RANBP6: variants seen among roughly 807,000 people sequenced by gnomAD.
The protein encoded by RANBP6 is RAN binding protein 6.
Under a neutral mutation model 35.3 loss-of-function variants are expected in RANBP6, and 10 were observed. The ratio of observed to expected loss-of-function variants is 0.28; its 90% confidence interval spans 0.17 to 0.48. The LOEUF is 0.48. Among genes scored for constraint, RANBP6 ranks in the 20% least tolerant of loss-of-function variants. The probability of loss-of-function intolerance (pLI) is 0.99; values close to 1 mark genes in which losing one functional copy is unlikely to be tolerated. For synonymous variants in RANBP6, 514 were observed against 464.2 expected (o/e 1.11, Z -1.38); for missense variants, 1,392 against 1,307.7 (o/e 1.06, Z -0.99).
rs1301623473 is a variant in RANBP6 at position 6,013,032 on chromosome 9, CTAAA to C, written c.2572_2575del (p.Phe858ValfsTer17). On this transcript the variant is annotated frameshift_variant, in exon 1 of 1. Transcript: ENST00000259569. LOFTEE classifies it high-confidence loss of function. ...TGGTAAAATCTTTTCCTTATAAGTA[CTAAA>C]TAATGAGTGCAAAATATCTGATACT... 1 of 1,613,464 alleles carries C rather than the reference CTAAA, an allele frequency of 6.2e-7. No individual in the cohort carries two copies. Among genetic ancestry groups the C allele is most frequent in the African/African-American group, 1.3e-5 (1 of 74,894 alleles).
At position 6,013,437 on chromosome 9, in the gene RANBP6, T is replaced by C. The variant is rs778152716; in HGVS notation, c.2171A>G (p.His724Arg). The change falls in exon 1 of 1, where the codon CAT (histidine) becomes CGT (arginine). Residue 724 changes from histidine (H) to arginine (R), a missense_variant. Coordinates refer to ENST00000259569, the MANE Select transcript of RANBP6 (RefSeq NM_012416.4). ...TGCTGCTGCCACTCGAACATTGTCATGGAAATAAAATTTCAGTAAAGGAAC... is the reference window on the plus strand; with the variant it reads ...TGCTGCTGCCACTCGAACATTGTCACGGAAATAAAATTTCAGTAAAGGAAC... The part of the protein sequence containing the change: ...LMVPLLKFYF[H>R]DNVRVAAAES... The C allele has an allele frequency of 6.8e-6, 11 of 1,614,090 alleles. No individual in the cohort carries two copies. In the Admixed American group the frequency reaches 1.3e-4, roughly 20 times the overall value.
In RANBP6 at chr9:6,014,463, T is replaced by A. The variant is rs761958664; in HGVS notation, c.1145A>T (p.Tyr382Phe). The A allele has an allele frequency of 6.2e-7, 1 of 1,614,242 alleles. No individual in the cohort carries two copies. Among genetic ancestry groups the A allele is most frequent in the Admixed American group, 1.7e-5 (1 of 60,018 alleles). The change falls in exon 1 of 1, where the codon TAT becomes TTT. Residue 382 changes from tyrosine to phenylalanine, a missense_variant. By Grantham distance (22) the Tyr-to-Phe change is conservative. Transcript: ENST00000259569. Reference sequence around the variant, plus strand: ...TAAGGCCATTAATCCAGCATGTCGATACTTCCAGTCAGGGCTCTGAAGCAT... The same window carrying A: ...TAAGGCCATTAATCCAGCATGTCGAAACTTCCAGTCAGGGCTCTGAAGCAT... ...MQMLQSPDWK[Y>F]RHAGLMALSA...
At position 6,011,205 on chromosome 9, in the gene RANBP6, G is replaced by C. The variant is rs189540755; in HGVS notation, c.*1085C>G. The C allele has an allele frequency of 6.6e-6, 1 of 152,150 alleles. No individual in the cohort carries two copies. The highest frequency in any genetic ancestry group is 2.4e-5 in the African/African-American group (1 of 41,432). The allele number at this position is 152,150 out of a possible 1,614,324, so 9.4% of individuals were successfully genotyped here. On this transcript the variant is annotated 3_prime_UTR_variant, in exon 1 of 1. Coordinates refer to ENST00000259569, the MANE Select transcript of RANBP6 (RefSeq NM_012416.4). ...CTCTTTTCTACCCTACAATAAGCTC[G>C]ACATTAAAGACTGACATTCCAATTA...
At position 6,012,283 on chromosome 9, in the gene RANBP6, A is replaced by C. The variant is rs774191496; in HGVS notation, c.*7T>G. The C allele has an allele frequency of 2.6e-6, 4 of 1,527,790 alleles. No individual in the cohort carries two copies. Among genetic ancestry groups the C allele is most frequent in the Non-Finnish European group, 3.5e-6 (4 of 1,139,002 alleles). 94.6% of individuals were successfully genotyped at this position (1,527,790 alleles called of 1,614,324 possible). A position where few individuals can be genotyped will look rare whatever the true frequency, so the allele number is the denominator to read the frequency against. The stretch of plus-strand genomic sequence containing the variant: ...AATAGATAATATTCAAGTTATATTA[A>C]AGTGCTTCAAGCAAAATTTAGCAAC... On this transcript the variant is annotated 3_prime_UTR_variant, in exon 1 of 1. Transcript: ENST00000259569.
chr9:6,013,260 T>A lies in RANBP6; in HGVS notation c.2348A>T (p.Lys783Met), dbSNP rs772905285. ...ACCATCTCCCATAACTTCAATGGACTTTGCAAAAGAATTCATTATTTCTGA... is the reference window on the plus strand; with the variant it reads ...ACCATCTCCCATAACTTCAATGGACATTGCAAAAGAATTCATTATTTCTGA... ...VLSEIMNSFA[K>M]SIEVMGDGCL... Residue 783 changes from lysine (K) to methionine (M), a missense_variant, in exon 1 of 1, where the codon AAG becomes ATG. Transcript: ENST00000259569. 5.0e-6 allele frequency: 8 copies of A among 1,614,158 alleles called. No homozygotes were observed. The East Asian group carries it at 6.7e-5, about 13-fold the overall frequency.
chr9:6,014,339 C>A lies in RANBP6; in HGVS notation c.1269G>T (p.Val423=). ...LLFLQDPHPR[V]RAAACTTLGQ... ...CAAGTGTAGTACAGGCTGCAGCCCT[C>A]ACCCTTGGATGAGGATCCTGAAGAA... Residue 423 remains valine, a synonymous_variant, in exon 1 of 1, where the codon GTG becomes GTT. Transcript: ENST00000259569. 1 of 1,614,036 alleles carries A rather than the reference C, an allele frequency of 6.2e-7. No homozygotes were observed. Among genetic ancestry groups the A allele is most frequent in the Non-Finnish European group, 8.5e-7 (1 of 1,179,868 alleles).
At position 6,013,062 on chromosome 9, in the gene RANBP6, T is replaced by A. The variant is rs756089965; in HGVS notation, c.2546A>T (p.Lys849Ile). The A allele has an allele frequency of 1.9e-6, 3 of 1,613,938 alleles. No homozygotes were observed. Among genetic ancestry groups the A allele is most frequent in the Non-Finnish European group, 1.7e-6 (2 of 1,179,954 alleles). ...TAATGAGTGCAAAATATCTGATACT[T>A]TGGTCAGAATATAAACATCACATTC... ...EDECDVYILTKVSDILHSLFS... is the reference protein window; with the variant it reads ...EDECDVYILTIVSDILHSLFS... The change falls in exon 1 of 1, where the codon AAA (lysine) becomes ATA (isoleucine). Residue 849 changes from lysine (K) to isoleucine (I), a missense_variant. Coordinates refer to ENST00000259569, the MANE Select transcript of RANBP6 (RefSeq NM_012416.4).
rs1417748699 is a variant in RANBP6 at position 6,015,017 on chromosome 9, G to T, written c.591C>A (p.Ile197=). 6.2e-7 allele frequency: 1 copy of T among 1,614,094 alleles called. No homozygotes were observed. The highest frequency in any genetic ancestry group is 1.3e-5 in the African/African-American group (1 of 74,942). The change falls in exon 1 of 1, where the codon ATC becomes ATA. Residue 197 remains isoleucine, a synonymous_variant. Coordinates refer to ENST00000259569, the MANE Select transcript of RANBP6 (RefSeq NM_012416.4). Reference sequence around the variant, plus strand: ...CTGCAGCTCTAGCGGATAATGTCCTGATTGCTGGATGTTCTTGATCTTGAA... The same window carrying T: ...CTGCAGCTCTAGCGGATAATGTCCTTATTGCTGGATGTTCTTGATCTTGAA... ...QCIQDQEHPA[I]RTLSARAAAA...
rs1001634296 is a variant in RANBP6 at position 6,013,009 on chromosome 9, G to A, written c.2599C>T (p.Pro867Ser). Residue 867 changes from proline (P) to serine (S), a missense_variant, in exon 1 of 1, where the codon CCA becomes TCA. Coordinates refer to ENST00000259569, the MANE Select transcript of RANBP6 (RefSeq NM_012416.4). ...LFSTYKEKIL[P>S]WFEQLLPLIV... is the part of the protein sequence containing the mutation. ...AATGGAAGTAGTTGTTCAAACCATG[G>A]TAAAATCTTTTCCTTATAAGTACTA... 6.2e-7 allele frequency: 1 copy of A among 1,613,634 alleles called. No individual in the cohort carries two copies. Among genetic ancestry groups the A allele is most frequent in the Non-Finnish European group, 8.5e-7 (1 of 1,179,832 alleles).
At position 6,013,354 on chromosome 9, in the gene RANBP6, G is replaced by T; in HGVS notation, c.2254C>A (p.Gln752Lys). The change falls in exon 1 of 1, where the codon CAG becomes AAG. Residue 752 changes from glutamine to lysine, a missense_variant. By Grantham distance (53) the Gln-to-Lys change is moderately conservative. Coordinates refer to ENST00000259569, the MANE Select transcript of RANBP6 (RefSeq NM_012416.4). ...ARIRGPEYLA[Q>K]MWQFICDPLI... ...GGGTCACATATGAATTGCCACATCTGTGCAAGATACTCTGGGCCACGAATT... is the reference window on the plus strand; with the variant it reads ...GGGTCACATATGAATTGCCACATCTTTGCAAGATACTCTGGGCCACGAATT... 1 of 1,614,146 alleles carries T rather than the reference G, an allele frequency of 6.2e-7. No individual in the cohort carries two copies. Among genetic ancestry groups the T allele is most frequent in the Non-Finnish European group, 8.5e-7 (1 of 1,179,990 alleles).
chr9:6,014,119 G>C lies in RANBP6; in HGVS notation c.1489C>G (p.Leu497Val), dbSNP rs1842530901. The C allele has an allele frequency of 1.9e-6, 3 of 1,613,894 alleles. No homozygotes were observed. The South Asian group carries it at 3.3e-5, about 18-fold the overall frequency. Residue 497 changes from leucine to valine, a missense_variant, in exon 1 of 1, where the codon CTA (leucine) becomes GTA (valine). Physicochemically the swap from Leu to Val is conservative, Grantham distance 32. Coordinates refer to ENST00000259569, the MANE Select transcript of RANBP6 (RefSeq NM_012416.4). ...VLYVDSMVKN[L>V]HSVLVIKLQE... ...AGTTTAATCACCAAGACGGAATGTA[G>C]ATTTTTCACCATACTATCCACATAT...
In RANBP6 at chr9:6,012,123, G is replaced by T; in HGVS notation, c.*167C>A. The T allele has an allele frequency of 2.0e-6, 1 of 508,104 alleles. No individual in the cohort carries two copies. The highest frequency in any genetic ancestry group is 3.3e-6 in the Non-Finnish European group (1 of 299,732). The allele number at this position is 508,104 out of a possible 1,614,324, so 31.5% of individuals were successfully genotyped here. On this transcript the variant is annotated 3_prime_UTR_variant, in exon 1 of 1. Transcript: ENST00000259569. ...TCTGTGTTTGGAAGATAAAACATGCGAGATAAACAGAGGACTAACACTGAT... is the reference window on the plus strand; with the variant it reads ...TCTGTGTTTGGAAGATAAAACATGCTAGATAAACAGAGGACTAACACTGAT...
Position 6,013,644 on chromosome 9 carries a change from T to A in RANBP6, c.1964A>T (p.Asp655Val), listed in dbSNP as rs752755741. 43 of 1,614,102 alleles carry A rather than the reference T, an allele frequency of 2.7e-5. No homozygotes were observed. In the South Asian group the frequency reaches 3.1e-4, roughly 12 times the overall value. The change falls in exon 1 of 1, where the codon GAT becomes GTT. Residue 655 changes from aspartate (D) to valine (V), a missense_variant. Transcript: ENST00000259569. ...ATCATCGTCACTCATATTTTCCACA[T>A]CCTGTGTGTCTAAGAGAGCAACATC... Reference protein sequence around the residue: ...KPDVALLDTQDVENMSDDDGW... With the variant: ...KPDVALLDTQVVENMSDDDGW...
Position 6,012,688 on chromosome 9 carries a change from C to A in RANBP6, c.2920G>T (p.Val974Phe). 1 of 1,613,804 alleles carries A rather than the reference C, an allele frequency of 6.2e-7. No individual in the cohort carries two copies. The highest frequency in any genetic ancestry group is 8.5e-7 in the Non-Finnish European group (1 of 1,179,904). The change falls in exon 1 of 1, where the codon GTC (valine) becomes TTC (phenylalanine). Residue 974 changes from valine to phenylalanine, a missense_variant. Physicochemically the swap from Val to Phe is conservative, Grantham distance 50 (BLOSUM62 -1). Coordinates refer to ENST00000259569, the MANE Select transcript of RANBP6 (RefSeq NM_012416.4). The part of the protein sequence containing the change: ...KCANSKTKKN[V>F]IATENCISAI... ...GAGATACAGTTCTCTGTAGCAATGA[C>A]ATTTTTTTTGGTTTTGGAATTTGCA...
Position 6,014,041 on chromosome 9 carries a change from T to C in RANBP6, c.1567A>G (p.Thr523Ala), listed in dbSNP as rs774367371. The C allele has an allele frequency of 2.5e-6, 4 of 1,613,768 alleles. No individual in the cohort carries two copies. Among genetic ancestry groups the C allele is most frequent in the Non-Finnish European group, 3.4e-6 (4 of 1,179,930 alleles). ...ATTGTATCTGCAACTGATGCAATGG[T>C]TGTCACAAGTTGTTCCAAAGCCAAC... is the stretch of plus-strand genomic sequence containing the variant. ...TKLALEQLVT[T>A]IASVADTIEE... The change falls in exon 1 of 1, where the codon ACC becomes GCC. Residue 523 changes from threonine (T) to alanine (A), a missense_variant. Coordinates refer to ENST00000259569, the MANE Select transcript of RANBP6 (RefSeq NM_012416.4).
chr9:6,014,418 C>T lies in RANBP6; in HGVS notation c.1190G>A (p.Cys397Tyr). The T allele has an allele frequency of 1.2e-6, 2 of 1,614,134 alleles. No individual in the cohort carries two copies. Among genetic ancestry groups the T allele is most frequent in the Non-Finnish European group, 1.7e-6 (2 of 1,180,012 alleles). ...TAGAATTGATTCCATTTGTTGATGG[C>T]ATCCTTCTCCAATGGCAGATAAGGC... ...LMALSAIGEG[C>Y]HQQMESILDE... Residue 397 changes from cysteine (C) to tyrosine (Y), a missense_variant, in exon 1 of 1, where the codon TGC (cysteine) becomes TAC (tyrosine). Cys to Tyr is a radical substitution (Grantham distance 194, BLOSUM62 -2). Transcript: ENST00000259569.
Position 6,014,269 on chromosome 9 carries a change from G to A in RANBP6, c.1339C>T (p.His447Tyr). The change falls in exon 1 of 1, where the codon CAT (histidine) becomes TAT (tyrosine). Residue 447 changes from histidine to tyrosine, a missense_variant. By Grantham distance (83) the His-to-Tyr change is moderately conservative (BLOSUM62 2). Coordinates refer to ENST00000259569, the MANE Select transcript of RANBP6 (RefSeq NM_012416.4). ...DFAPNFQKKF[H>Y]ETVIAALLRT... ...AACAGAGCTGCAATCACTGTTTCAT[G>A]AAATTTCTTTTGGAAATTAGGTGCA... 1.2e-6 allele frequency: 2 copies of A among 1,614,210 alleles called. No homozygotes were observed. The highest frequency in any genetic ancestry group is 1.7e-6 in the Non-Finnish European group (2 of 1,180,022).
rs763066948 is a variant in RANBP6, at chr9:6,013,843, T to A, written c.1765A>T (p.Met589Leu). The A allele has an allele frequency of 3.1e-6, 5 of 1,613,946 alleles. No individual in the cohort carries two copies. In the East Asian group the frequency reaches 8.9e-5, roughly 29 times the overall value. ...EKFMQDASNV[M>L]QLLLKTQSDL... ...GATTGTGTCTTCAACAACAGCTGCATCACATTTGATGCATCTTGCATAAAT... is the reference window on the plus strand; with the variant it reads ...GATTGTGTCTTCAACAACAGCTGCAACACATTTGATGCATCTTGCATAAAT... Residue 589 changes from methionine to leucine, a missense_variant, in exon 1 of 1, where the codon ATG becomes TTG. Coordinates refer to ENST00000259569, the MANE Select transcript of RANBP6 (RefSeq NM_012416.4).
rs372696871 is a variant in RANBP6 at position 6,014,261 on chromosome 9, T to C, written c.1347A>G (p.Thr449=). The change falls in exon 1 of 1, where the codon ACA becomes ACG. Residue 449 remains threonine (T), a synonymous_variant. Transcript: ENST00000259569. ...APNFQKKFHE[T]VIAALLRTME... is the part of the protein sequence containing the mutation. ...TGGTACGTAACAGAGCTGCAATCACTGTTTCATGAAATTTCTTTTGGAAAT... is the reference window on the plus strand; with the variant it reads ...TGGTACGTAACAGAGCTGCAATCACCGTTTCATGAAATTTCTTTTGGAAAT... 9.3e-6 allele frequency: 15 copies of C among 1,614,118 alleles called. No individual in the cohort carries two copies. Among genetic ancestry groups the C allele is most frequent in the Non-Finnish European group, 1.2e-5 (14 of 1,180,040 alleles).
Sources: gnomAD v4.1 joint callset for allele counts on GRCh38, gnomAD v4.1.1 for gene constraint, MANE v1.5 for transcripts, NCBI Gene and HGNC (gene_info 2026-07-23, HGNC 2026-07-21) for gene names.